PALLD: variants seen among roughly 807,000 people sequenced by gnomAD.
PALLD encodes palladin.
Under a neutral mutation model 123.5 loss-of-function variants are expected in PALLD, and 61 were observed. The ratio of observed to expected loss-of-function variants is 0.49; its 90% confidence interval spans 0.40 to 0.61. PALLD has a LOEUF of 0.61. Ranked by LOEUF, PALLD falls within the 20% of genes least tolerant of loss-of-function variation. The pLI is 0.00. For synonymous variants in PALLD, 465 were observed against 496.4 expected, an observed-to-expected ratio of 0.94 and a Z score of 0.84; for missense variants, 1,273 against 1,377.0, an observed-to-expected ratio of 0.92 and a Z score of 1.20.
intron 10 of PALLD, among the ~76,000 whole-genome samples, chr4:168,747,895 A>T (rs1242455406): frequency 6.6e-6 from 1 of 152,228 alleles, no homozygotes; most frequent in Non-Finnish European, 1.5e-5. Context: ...ATTTTATGGT[A>T]GTATTCCAGG....
intron 10 of PALLD, among the ~76,000 whole-genome samples, chr4:168,813,410 G>C (rs1372007926): frequency 6.6e-6 from 1 of 152,058 alleles, no homozygotes; most frequent in African/African-American, 2.4e-5. Flanking sequence ...GGCAGTTACA[G>C]AACAACAACA....
chr4:168,570,598 A>C (rs1768878293), intron 2 of PALLD, among the ~76,000 whole-genome samples: 1 of 152,212 alleles, frequency 6.6e-6, no homozygotes, highest in Non-Finnish European at 1.5e-5. Context: ...TGAGATAGGA[A>C]TAAAATTAAA....
rs1479390388 is a variant in PALLD, at chr4:168,711,863, C to A, written c.1904C>A (p.Thr635Lys). ...GCTAACAGTAATAAATCTCTTCCAA[C>A]ACCAGCTGTCCTGCTTTCACCCACT... is the stretch of plus-strand genomic sequence containing the variant. ...GKANSNKSLP[T>K]PAVLLSPTKE... Residue 635 changes from threonine (T) to lysine (K), a missense_variant, in exon 10 of 22, where the codon ACA becomes AAA. Coordinates refer to ENST00000505667, the MANE Select transcript of PALLD (RefSeq NM_001166108.2). The A allele has an allele frequency of 6.2e-6, 10 of 1,614,170 alleles. No individual in the cohort carries two copies. The highest frequency in any genetic ancestry group is 8.5e-6 in the Non-Finnish European group (10 of 1,180,020).
intron 10 of PALLD, among the ~76,000 whole-genome samples, chr4:168,762,415 G>A (rs924272562): frequency 5.3e-5 from 8 of 152,186 alleles, no homozygotes; most frequent in African/African-American, 1.9e-4. Context: ...TGAGGTTACA[G>A]TGAGCCAAGA....
intron 10 of PALLD, among the ~76,000 whole-genome samples, chr4:168,851,448 A>G (rs537298435): frequency 1.3e-5 from 2 of 148,662 alleles, no homozygotes; most frequent in African/African-American, 5.2e-5. Context: ...GCTCACTGCA[A>G]CCTCTGCCTC....
At chr4:168,635,100 C>T (rs1228413821) in intron 2 of PALLD, among the ~76,000 whole-genome samples, 1 of 152,110 alleles carries the variant, frequency 6.6e-6, no homozygotes, top group African/African-American at 2.4e-5. Flanking sequence ...GGGAAGCCAT[C>T]AGTTATGAAA....
At position 168,896,574 on chromosome 4, in the gene PALLD, T is replaced by G; in HGVS notation, c.2225T>G (p.Val742Gly). The G allele has an allele frequency of 6.6e-7, 1 of 1,517,138 alleles. No individual in the cohort carries two copies. The highest frequency in any genetic ancestry group is 1.2e-5 in the South Asian group (1 of 83,620). The allele number at this position is 1,517,138 out of a possible 1,614,324, so 94.0% of individuals were successfully genotyped here. A position where few individuals can be genotyped will look rare whatever the true frequency, so the allele number is the denominator to read the frequency against. ...NQDIGSPHAS[V>G]GSPLDGQKEY... ...GACATTGGTTCTCCTCATGCTTCTG[T>G]AGGGAGTCCTCTGGATGGTCAAAAG... Residue 742 changes from valine to glycine, a missense_variant, in exon 13 of 22, where the codon GTA (valine) becomes GGA (glycine). By Grantham distance (109) the Val-to-Gly change is moderately radical (BLOSUM62 -3). Transcript: ENST00000505667.
chr4:168,632,140 A>C (rs1259062546), intron 2 of PALLD, among the ~76,000 whole-genome samples: 1 of 77,536 alleles, frequency 1.3e-5, no homozygotes, highest in African/African-American at 5.1e-5. Flanking sequence ...AGGGTGGGGG[A>C]GGGGAGAAAG....
intron 1 of PALLD, among the ~76,000 whole-genome samples, chr4:168,504,518 C>T (rs1213633604): frequency 6.6e-6 from 1 of 150,714 alleles, no homozygotes; most frequent in Non-Finnish European, 1.5e-5. Context: ...CTCTTGAACC[C>T]GGCAGGTGGA....
At chr4:168,676,995 C>T (rs1780920624) in intron 3 of PALLD, among the ~76,000 whole-genome samples, 1 of 152,154 alleles carries the variant, frequency 6.6e-6, no homozygotes, top group African/African-American at 2.4e-5. Context: ...GATTCCTTCA[C>T]TCTGCGTGGG....
chr4:168,898,843 T>C (rs1432637644), intron 14 of PALLD, 129 bp downstream of exon 14: 1 of 733,710 alleles, frequency 1.4e-6, no homozygotes, highest in Non-Finnish European at 2.4e-6. Context: ...TAAAGGGTTT[T>C]AAATATTCTT....
intron 10 of PALLD, among the ~76,000 whole-genome samples, chr4:168,773,528 C>A (rs1192748637): frequency 6.6e-6 from 1 of 152,182 alleles, no homozygotes. Context: ...GCTCTCTCAG[C>A]ATTTTCATCA....
intron 12 of PALLD, 114 bp downstream of exon 12, chr4:168,894,791 A>C: frequency 6.6e-7 from 1 of 1,521,294 alleles, no homozygotes; most frequent in Non-Finnish European, 8.8e-7. Context: ...GGCAAGTCAC[A>C]GAAAAGCAGT....
At chr4:168,585,726 C>T (rs2874112) in intron 2 of PALLD, among the ~76,000 whole-genome samples, 40,518 of 151,922 alleles carry the variant, frequency 0.27, 5,499 homozygotes, top group East Asian at 0.38. Context: ...GGACACAATA[C>T]CAGTTGAAAA....
chr4:168,590,878 T>G (rs398051074), intron 2 of PALLD, among the ~76,000 whole-genome samples: 22,155 of 129,192 alleles, frequency 0.17, 2,144 homozygotes, highest in East Asian at 0.27. Flanking sequence ...TTTTTTTTTT[T>G]TTTTTTTTTT....
intron 11 of PALLD, 46 bp from the exon 12 acceptor site, chr4:168,894,533 G>T (rs754277865): frequency 3.6e-5 from 44 of 1,231,978 alleles, no homozygotes; most frequent in Non-Finnish European, 5.9e-6. Context: ...GTACATATTT[G>T]TGATTTTTTT....
intron 10 of PALLD, among the ~76,000 whole-genome samples, chr4:168,814,479 T>C (rs549299565): frequency 6.6e-6 from 1 of 152,288 alleles, no homozygotes; most frequent in Admixed American, 6.5e-5. Flanking sequence ...AACCGAACCA[T>C]GTTGGGAATT....
At chr4:168,845,250 C>T (rs1399627932) in intron 10 of PALLD, among the ~76,000 whole-genome samples, 1 of 152,102 alleles carries the variant, frequency 6.6e-6, no homozygotes, top group African/African-American at 2.4e-5. Flanking sequence ...CAAAATATTT[C>T]CTACCTGTCT....
intron 2 of PALLD, among the ~76,000 whole-genome samples, chr4:168,639,396 G>A (rs1580710490): frequency 6.6e-6 from 1 of 152,160 alleles, no homozygotes; most frequent in Non-Finnish European, 1.5e-5. Flanking sequence ...CTCCAGTCTG[G>A]TGTGGCCCCT....
Sources: allele counts gnomAD v4.1 joint callset (sites outside exome capture counted in the v4.1 genomes callset), GRCh38; gene constraint gnomAD v4.1.1; transcripts MANE v1.5; gene names NCBI Gene and HGNC (gene_info 2026-07-23, HGNC 2026-07-21).